WDR49: variants seen among roughly 807,000 people sequenced by gnomAD.
WDR49 encodes WD repeat domain 49, also known as cilia- and flagella-associated protein 337.
WDR49 carries 107 observed loss-of-function variants against 119.5 expected under a neutral mutation model. The ratio of observed to expected loss-of-function variants is 0.90; its 90% CI spans 0.77 to 1.05. The LOEUF (loss-of-function observed/expected upper bound fraction) is 1.05. Ranked by LOEUF, WDR49 falls within the 50% of genes least tolerant of loss-of-function variation. The pLI, the probability that WDR49 is intolerant of heterozygous loss-of-function variation, is 0.00. For missense variants in WDR49, 1,240 were observed against 1,220.5 expected (o/e 1.02, Z -0.24); for synonymous variants, 425 against 418.8 (o/e 1.01, Z -0.18).
chr3:167,555,859 T>C (rs1213893322), intron 9 of WDR49, among the ~76,000 whole-genome samples: 8 of 152,206 alleles, frequency 5.3e-5, no homozygotes, highest in Admixed American at 5.2e-4. Flanking sequence ...GCCACTATCA[T>C]ACAGTGTACT....
chr3:167,589,805 T>A (rs1268428312), intron 7 of WDR49, among the ~76,000 whole-genome samples: 1 of 152,092 alleles, frequency 6.6e-6, no homozygotes, highest in East Asian at 1.9e-4. Context: ...TGCTTACCAT[T>A]CTAATGTTCT....
At chr3:167,630,282 A>G (rs2901037) in intron 2 of WDR49, among the ~76,000 whole-genome samples, 44,162 of 152,054 alleles carry the variant, frequency 0.29, 6,734 homozygotes, top group African/African-American at 0.4. Flanking sequence ...ACCTCTCGCC[A>G]AAGGCTCAGA....
intron 5 of WDR49, among the ~76,000 whole-genome samples, chr3:167,609,985 G>C (rs1402304392): frequency 6.6e-6 from 1 of 152,168 alleles, no homozygotes; most frequent in African/African-American, 2.4e-5. Flanking sequence ...GCCATTCCTG[G>C]CAGCATTCAT....
chr3:167,538,840 G>T (rs1242821825), intron 10 of WDR49, among the ~76,000 whole-genome samples: 2 of 152,114 alleles, frequency 1.3e-5, no homozygotes, highest in Non-Finnish European at 2.9e-5. Flanking sequence ...AAAACACTCT[G>T]GATGGAGAAA....
intron 16 of WDR49, among the ~76,000 whole-genome samples, chr3:167,511,879 A>C (rs1196641693): frequency 1.3e-5 from 2 of 152,194 alleles, no homozygotes; most frequent in Non-Finnish European, 2.9e-5. Flanking sequence ...ACCCGGATCC[A>C]TCCCTCCTCT....
Position 167,505,341 on chromosome 3 carries a change from T to C in WDR49, c.2850A>G (p.Lys950=). 4.6e-6 allele frequency: 7 copies of C among 1,531,294 alleles called. No homozygotes were observed. The highest frequency in any genetic ancestry group is 6.1e-6 in the Non-Finnish European group (7 of 1,147,480). The allele number at this position is 1,531,294 out of a possible 1,614,324, so 94.9% of individuals were successfully genotyped here. A position where few individuals can be genotyped will look rare whatever the true frequency, so the allele number is the denominator to read the frequency against. The change falls in exon 17 of 19, where the codon AAA becomes AAG. Residue 950 remains lysine, a synonymous_variant. Transcript: ENST00000682715. ...ERSTCMKETQ[K]PYYGEVIKKS... The stretch of plus-strand genomic sequence containing the variant: ...TTTTTATAACTTCACCATAATAAGG[T>C]TTTTGTGTTTCTTTCATGCAGGTAC...
chr3:167,511,416 G>A (rs189534898), intron 16 of WDR49, among the ~76,000 whole-genome samples: 60 of 152,234 alleles, frequency 3.9e-4, no homozygotes, highest in African/African-American at 1.1e-3. Context: ...GAAGTCTACC[G>A]ACGCCTATAT....
chr3:167,652,407 G>A (rs1349110561), intron 2 of WDR49, among the ~76,000 whole-genome samples: 1 of 151,974 alleles, frequency 6.6e-6, no homozygotes, highest in African/African-American at 2.4e-5. Flanking sequence ...AATTAGTATG[G>A]ATACTCCAAG....
intron 3 of WDR49, among the ~76,000 whole-genome samples, chr3:167,625,121 T>C (rs1717072115): frequency 6.6e-6 from 1 of 152,048 alleles, no homozygotes; most frequent in Admixed American, 6.6e-5. Context: ...TTCCAAACAA[T>C]AGAGCATACA....
intron 8 of WDR49, among the ~76,000 whole-genome samples, chr3:167,573,964 T>C (rs1027851215): frequency 6.6e-6 from 1 of 152,210 alleles, no homozygotes; most frequent in African/African-American, 2.4e-5. Flanking sequence ...CCTCCTCCTT[T>C]TAGAGATGTT....
chr3:167,487,425 T>C (rs1750968542), intron 18 of WDR49, among the ~76,000 whole-genome samples: 1 of 151,964 alleles, frequency 6.6e-6, no homozygotes, highest in Non-Finnish European at 1.5e-5. Flanking sequence ...CTGGAAAAAT[T>C]CTGGAAGAAA....
In WDR49 at chr3:167,524,854, T is replaced by C. The variant is rs370119193; in HGVS notation, c.2605-2370A>G. On this transcript the variant is annotated intron_variant, in intron 15 of 18. Coordinates refer to ENST00000682715, the MANE Select transcript of WDR49 (RefSeq NM_001366157.1). The stretch of plus-strand genomic sequence containing the variant: ...TCAGGTAGCATGATGTCTCCAGCTT[T>C]GTTCTTTTTGCTTAGGATTGTATTG... 7.9e-5 allele frequency among the ~76,000 whole-genome samples: 12 copies of C among 152,316 alleles called. No homozygotes were observed. The East Asian group carries it at 2.1e-3, about 27-fold the overall frequency.
intron 2 of WDR49, among the ~76,000 whole-genome samples, chr3:167,631,585 A>G (rs1288067568): frequency 6.6e-6 from 1 of 152,146 alleles, no homozygotes; most frequent in African/African-American, 2.4e-5. Context: ...ATTTAGCTTC[A>G]CGTTGATGGG....
At chr3:167,592,011 T>A (rs1043640357) in intron 7 of WDR49, among the ~76,000 whole-genome samples, 49 of 152,306 alleles carry the variant, frequency 3.2e-4, no homozygotes, top group African/African-American at 1.0e-3. Context: ...TAAAGGTGAT[T>A]GTCACTGGTC....
chr3:167,516,087 C>T (rs1298968344), intron 16 of WDR49, among the ~76,000 whole-genome samples: 1 of 152,104 alleles, frequency 6.6e-6, no homozygotes, highest in Non-Finnish European at 1.5e-5. Context: ...CAATGCTATT[C>T]CCATCAAACT....
At chr3:167,629,566 T>C (rs1023997641) in intron 2 of WDR49, among the ~76,000 whole-genome samples, 3 of 152,134 alleles carry the variant, frequency 2.0e-5, no homozygotes, top group African/African-American at 7.2e-5. Flanking sequence ...AAATATCTTT[T>C]ATATGGTATA....
intron 7 of WDR49, among the ~76,000 whole-genome samples, chr3:167,600,894 C>T (rs1049336286): frequency 7.9e-5 from 12 of 151,698 alleles, no homozygotes; most frequent in Non-Finnish European, 1.0e-4. Flanking sequence ...AGGAGAAAAG[C>T]GGGAAGTGAA....
Position 167,542,529 on chromosome 3 carries a change from TCAATGATCTTTGGGTCAA to T in WDR49, c.1824-5547_1824-5530del, listed in dbSNP as rs553649452. On this transcript the variant is annotated intron_variant, in intron 10 of 18. Transcript: ENST00000682715. ...ACATGAAAATTAAGTAATCTGCTCC[TCAATGATCTTTGGGTCAA>T]CAATGAAATCAAGATGGAACTTTAA... Among the ~76,000 whole-genome samples, 912 of 152,256 alleles carry T rather than the reference TCAATGATCTTTGGGTCAA, an allele frequency of 6.0e-3. 3 individuals carry two copies. The highest frequency in any genetic ancestry group is 9.5e-3 in the Non-Finnish European group (649 of 68,012).
chr3:167,609,383 G>A (rs1716229021), intron 5 of WDR49, among the ~76,000 whole-genome samples: 1 of 152,112 alleles, frequency 6.6e-6, no homozygotes, highest in African/African-American at 2.4e-5. Context: ...AGCTTCTCTG[G>A]GAACTGGGGG....
Sources: gnomAD v4.1 joint callset for allele counts (sites outside exome capture counted in the v4.1 genomes callset) on GRCh38, gnomAD v4.1.1 for gene constraint, MANE v1.5 for transcripts, NCBI Gene and HGNC (gene_info 2026-07-23, HGNC 2026-07-21) for gene names.